AOC1: variants seen among roughly 807,000 people sequenced by gnomAD.
AOC1 encodes the protein diamine oxidase [copper-containing].
Under a neutral mutation model 57.1 loss-of-function variants are expected in AOC1, and 58 were observed. The observed-to-expected ratio is 1.02, with a 90% CI of 0.82 to 1.26. The LOEUF (loss-of-function observed/expected upper bound fraction) is 1.26. Ranked by LOEUF, AOC1 falls within the 50% of genes most tolerant of loss-of-function variation. The pLI is 0.00. For synonymous variants in AOC1, 401 were observed against 423.4 expected (o/e 0.95, Z 0.65); for missense variants, 917 against 1,005.3 (o/e 0.91, Z 1.19).
rs146490557 is a variant in AOC1, at chr7:150,861,390, G to GCA, written c.*192_*193dup. On this transcript the variant is annotated 3_prime_UTR_variant, in exon 5 of 5. Coordinates refer to ENST00000360937, the MANE Select transcript of AOC1 (RefSeq NM_001091.4). The surrounding 1 kb of genome is among the most constrained non-coding windows in gnomAD (Gnocchi z 4.5). ...CAGACGTGCACACACACACAGACATGCACACACACACAGACGTGCACACAC... is the reference window on the plus strand; with the variant it reads ...CAGACGTGCACACACACACAGACATGCACACACACACACAGACGTGCACACAC... 2.4e-4 allele frequency: 152 copies of GCA among 624,202 alleles called. No homozygotes were observed. The highest frequency in any genetic ancestry group is 3.1e-4 in the South Asian group (11 of 35,796). 38.7% of individuals were successfully genotyped at this position (624,202 alleles called of 1,614,324 possible). A position where few individuals can be genotyped will look rare whatever the true frequency, so the allele number is the denominator to read the frequency against.
Position 150,857,724 on chromosome 7 carries a change from C to A in AOC1, c.1254C>A (p.Leu418=), listed in dbSNP as rs1228631177. 6.2e-7 allele frequency: 1 copy of A among 1,614,192 alleles called. No homozygotes were observed. The highest frequency in any genetic ancestry group is 1.7e-5 in the Admixed American group (1 of 60,024). ...TCCATTATCCCCGAGCCCTCTGCCT[C>A]TTTGAAATGCCCACAGGGGTGCCCC... ...DPVHYPRALC[L]FEMPTGVPLR... Residue 418 remains leucine (L), a synonymous_variant, in exon 2 of 5, where the codon CTC becomes CTA. Transcript: ENST00000360937. This position sits in a 1 kb window ranked among gnomAD's most constrained non-coding sequence, Gnocchi z 6.6.
At position 150,861,185 on chromosome 7, in the gene AOC1, C is replaced by T; in HGVS notation, c.2232C>T (p.Tyr744=). The change falls in exon 5 of 5, where the codon TAC becomes TAT. Residue 744 remains tyrosine (Y), a synonymous_variant. Coordinates refer to ENST00000360937, the MANE Select transcript of AOC1 (RefSeq NM_001091.4). This position sits in a 1 kb window ranked among gnomAD's most constrained non-coding sequence, Gnocchi z 4.5. ...GCTCGATGCCTCCCCCTTTTAGCTA[C>T]AATGGGACCTATAGACCTGTGTGAC... is the stretch of plus-strand genomic sequence containing the variant. ...RDCSMPPPFS[Y]NGTYRPV is the part of the protein sequence containing the mutation. 9 of 1,604,086 alleles carry T rather than the reference C, an allele frequency of 5.6e-6. No individual in the cohort carries two copies. Among genetic ancestry groups the T allele is most frequent in the Non-Finnish European group, 7.7e-6 (9 of 1,173,000 alleles).
Position 150,856,932 on chromosome 7 carries a change from C to A in AOC1, c.462C>A (p.Thr154=). 1 of 1,614,138 alleles carries A rather than the reference C, an allele frequency of 6.2e-7. No individual in the cohort carries two copies. Among genetic ancestry groups the A allele is most frequent in the Non-Finnish European group, 8.5e-7 (1 of 1,179,990 alleles). ...STAEYALLYH[T]LQEATKPLHQ... is the part of the protein sequence containing the mutation. The stretch of plus-strand genomic sequence containing the variant: ...CAGAGTATGCCCTCCTCTACCACAC[C>A]CTGCAGGAAGCCACCAAGCCCCTGC... The change falls in exon 2 of 5, where the codon ACC becomes ACA. Residue 154 remains threonine (T), a synonymous_variant. Transcript: ENST00000360937. The surrounding 1 kb of genome is among the most constrained non-coding windows in gnomAD (Gnocchi z 5.2).
chr7:150,854,301 G>A (rs192620016), intron 1 of AOC1: 12 of 152,380 alleles, frequency 7.9e-5, no homozygotes, highest in African/African-American at 2.9e-4. Flanking sequence ...CAAGGGGAGA[G>A]CCCTCGGGGA....
chr7:150,858,886 C>A lies in AOC1; in HGVS notation c.1694C>A (p.Ala565Glu), dbSNP rs762255132. ...ACGCAGTACTCCTGGGAGCGCCAGGCGGCCTTCCGCTTCAAAAGGAAGCTG... is the reference window on the plus strand; with the variant it reads ...ACGCAGTACTCCTGGGAGCGCCAGGAGGCCTTCCGCTTCAAAAGGAAGCTG... ...EQTQYSWERQAAFRFKRKLPK... is the reference protein window; with the variant it reads ...EQTQYSWERQEAFRFKRKLPK... The change falls in exon 3 of 5, where the codon GCG becomes GAG. Residue 565 changes from alanine (A) to glutamate (E), a missense_variant. By Grantham distance (107) the Ala-to-Glu change is moderately radical. Coordinates refer to ENST00000360937, the MANE Select transcript of AOC1 (RefSeq NM_001091.4). The A allele has an allele frequency of 6.2e-7, 1 of 1,613,686 alleles. No homozygotes were observed. Among genetic ancestry groups the A allele is most frequent in the African/African-American group, 1.3e-5 (1 of 75,028 alleles).
Position 150,861,420 on chromosome 7 carries a change from A to C in AOC1, c.*211A>C. Reference sequence around the variant, plus strand: ...CACACACAGACGTGCACACACACAGACGTGCACGCACTCACACGGACATGC... The same window carrying C: ...CACACACAGACGTGCACACACACAGCCGTGCACGCACTCACACGGACATGC... On this transcript the variant is annotated 3_prime_UTR_variant, in exon 5 of 5. Coordinates refer to ENST00000360937, the MANE Select transcript of AOC1 (RefSeq NM_001091.4). The surrounding 1 kb of genome is among the most constrained non-coding windows in gnomAD (Gnocchi z 4.5). The C allele has an allele frequency of 1.9e-6, 1 of 532,882 alleles. No homozygotes were observed. Among genetic ancestry groups the C allele is most frequent in the Non-Finnish European group, 3.2e-6 (1 of 309,590 alleles). 33.0% of individuals were successfully genotyped at this position (532,882 alleles called of 1,614,324 possible). A position where few individuals can be genotyped will look rare whatever the true frequency, so the allele number is the denominator to read the frequency against.
intron 1 of AOC1, among the ~76,000 whole-genome samples, chr7:150,853,661 C>CTATATATATATATATATA (rs201712777): frequency 6.4e-5 from 4 of 62,794 alleles, no homozygotes; most frequent in African/African-American, 1.7e-4. Flanking sequence ...GAGATCCTGA[C>CTATATATATATATATATA]TATATATATA....
rs1434074741 is a variant in AOC1, at chr7:150,857,368, C to T, written c.898C>T (p.Pro300Ser). 8 of 1,607,990 alleles carry T rather than the reference C, an allele frequency of 5.0e-6. No homozygotes were observed. In the Admixed American group the frequency reaches 6.7e-5, roughly 13 times the overall value. Residue 300 changes from proline to serine, a missense_variant, in exon 2 of 5, where the codon CCC (proline) becomes TCC (serine). Transcript: ENST00000360937. This position sits in a 1 kb window ranked among gnomAD's most constrained non-coding sequence, Gnocchi z 6.6. Reference protein sequence around the residue: ...DFPSPIHVSGPRLVQPHGPRF... With the variant: ...DFPSPIHVSGSRLVQPHGPRF... ...CCCCAGCCCCATCCATGTGAGCGGC[C>T]CCCGCTTGGTCCAGCCCCACGGCCC... is the stretch of plus-strand genomic sequence containing the variant.
Position 150,857,724 on chromosome 7 carries a change from CTT to C in AOC1, c.1256_1257del (p.Phe419Ter). 1 of 1,614,192 alleles carries C rather than the reference CTT, an allele frequency of 6.2e-7. No individual in the cohort carries two copies. The highest frequency in any genetic ancestry group is 8.5e-7 in the Non-Finnish European group (1 of 1,179,996). ...TCCATTATCCCCGAGCCCTCTGCCT[CTT>C]TGAAATGCCCACAGGGGTGCCCCTT... ...PVHYPRALCL[F>X]EMPTGVPLRR... On this transcript the variant is annotated frameshift_variant, in exon 2 of 5. Coordinates refer to ENST00000360937, the MANE Select transcript of AOC1 (RefSeq NM_001091.4). LOFTEE classifies it high-confidence loss of function. This position sits in a 1 kb window ranked among gnomAD's most constrained non-coding sequence, Gnocchi z 6.6.
At position 150,859,064 on chromosome 7, in the gene AOC1, G is replaced by A. The variant is rs11981217; in HGVS notation, c.1856+16G>A. The A allele has an allele frequency of 0.11, 174,811 of 1,530,728 alleles. 11,096 individuals carry two copies. The highest frequency in any genetic ancestry group is 0.19 in the African/African-American group (13,557 of 72,632). 94.8% of individuals were successfully genotyped at this position (1,530,728 alleles called of 1,614,324 possible). On this transcript the variant is annotated intron_variant, in intron 3 of 4. Coordinates refer to ENST00000360937, the MANE Select transcript of AOC1 (RefSeq NM_001091.4). Reference sequence around the variant, plus strand: ...CCTGGGCAAGGTGAGGAAGACCCAGGGGGCCTGGGGGAGGGTCAGTGGCTT... The same window carrying A: ...CCTGGGCAAGGTGAGGAAGACCCAGAGGGCCTGGGGGAGGGTCAGTGGCTT...
At position 150,861,351 on chromosome 7, in the gene AOC1, GA is replaced by G. The variant is rs1799963971; in HGVS notation, c.*143del. 5 of 943,534 alleles carry G rather than the reference GA, an allele frequency of 5.3e-6. No homozygotes were observed. Among genetic ancestry groups the G allele is most frequent in the Non-Finnish European group, 7.4e-6 (5 of 672,278 alleles). 58.4% of individuals were successfully genotyped at this position (943,534 alleles called of 1,614,324 possible). A position where few individuals can be genotyped will look rare whatever the true frequency, so the allele number is the denominator to read the frequency against. On this transcript the variant is annotated 3_prime_UTR_variant, in exon 5 of 5. Coordinates refer to ENST00000360937, the MANE Select transcript of AOC1 (RefSeq NM_001091.4). This position sits in a 1 kb window ranked among gnomAD's most constrained non-coding sequence, Gnocchi z 4.5. ...CATGTGTGTAGGAAACACACGAACA[GA>G]CGTGCACACACACAGACGTGCACAC...
chr7:150,855,033 T>A (rs1260777417), intron 1 of AOC1, among the ~76,000 whole-genome samples: 1 of 77,486 alleles, frequency 1.3e-5, no homozygotes, highest in Non-Finnish European at 2.5e-5. Context: ...CAACTACCTA[T>A]GAAAATATGA....
chr7:150,861,255 C>T lies in AOC1; in HGVS notation c.*46C>T, dbSNP rs1289380691. ...CAGTTCCTCCCAGGAAGCCCAGGAG[C>T]CTCACTGGGGCAGACAATAAACCCT... On this transcript the variant is annotated 3_prime_UTR_variant, in exon 5 of 5. Transcript: ENST00000360937. This position sits in a 1 kb window ranked among gnomAD's most constrained non-coding sequence, Gnocchi z 4.5. 1 of 1,523,538 alleles carries T rather than the reference C, an allele frequency of 6.6e-7. No individual in the cohort carries two copies. The highest frequency in any genetic ancestry group is 8.8e-7 in the Non-Finnish European group (1 of 1,130,362). The allele number at this position is 1,523,538 out of a possible 1,614,324, so 94.4% of individuals were successfully genotyped here.
rs754298492 is a variant in AOC1 at position 150,857,950 on chromosome 7, G to A, written c.1480G>A (p.Gly494Arg). The change falls in exon 2 of 5, where the codon GGG becomes AGG. Residue 494 changes from glycine to arginine, a missense_variant. Gly to Arg is a moderately radical substitution (Grantham distance 125). Transcript: ENST00000360937. The surrounding 1 kb of genome is among the most constrained non-coding windows in gnomAD (Gnocchi z 6.6). ...YVHATFYTPE[G>R]LRHGTRLHTH... ...CCACGCCACCTTCTACACCCCCGAG[G>A]GGCTGCGCCACGGCACTCGCCTGCA... is the stretch of plus-strand genomic sequence containing the variant. The A allele has an allele frequency of 1.2e-6, 2 of 1,607,644 alleles. No individual in the cohort carries two copies. Among genetic ancestry groups the A allele is most frequent in the Admixed American group, 1.7e-5 (1 of 59,798 alleles).
At chr7:150,859,560 G>C (rs1242889550) in intron 3 of AOC1, among the ~76,000 whole-genome samples, 4 of 151,886 alleles carry the variant, frequency 2.6e-5, no homozygotes, top group Non-Finnish European at 5.9e-5. Context: ...AAAATTAGCT[G>C]GGCATGGTGG....
chr7:150,855,515 C>G (rs1162000162), intron 1 of AOC1, among the ~76,000 whole-genome samples: 1 of 152,106 alleles, frequency 6.6e-6, no homozygotes, highest in African/African-American at 2.4e-5. Context: ...CCCTGACCCA[C>G]CCTCCCTGAG....
rs1485925902 is a variant in AOC1 at position 150,860,965 on chromosome 7, T to G, written c.2012T>G (p.Val671Gly). 1.2e-6 allele frequency: 2 copies of G among 1,613,268 alleles called. No homozygotes were observed. Among genetic ancestry groups the G allele is most frequent in the Non-Finnish European group, 1.7e-6 (2 of 1,179,800 alleles). The change falls in exon 5 of 5, where the codon GTG becomes GGG. Residue 671 changes from valine (V) to glycine (G), a missense_variant. Physicochemically the swap from Val to Gly is moderately radical, Grantham distance 109. Coordinates refer to ENST00000360937, the MANE Select transcript of AOC1 (RefSeq NM_001091.4). ...ENEDLVAWVT[V>G]GFLHIPHSED... is the part of the protein sequence containing the mutation. ...CAGGACCTGGTGGCCTGGGTGACGG[T>G]GGGCTTCCTGCACATCCCCCACTCA...
intron 1 of AOC1, among the ~76,000 whole-genome samples, chr7:150,854,532 G>C (rs1292604408): frequency 1.3e-5 from 2 of 152,164 alleles, no homozygotes; most frequent in African/African-American, 4.8e-5. Context: ...CGGCAGTGCG[G>C]GGTTTCAGCT....
At chr7:150,855,275 T>C (rs1431181678) in intron 1 of AOC1, among the ~76,000 whole-genome samples, 2 of 151,998 alleles carry the variant, frequency 1.3e-5, no homozygotes, top group African/African-American at 4.8e-5. Flanking sequence ...GAGGCCCACA[T>C]CACCTAGGAG....
Sources: gnomAD v4.1 joint callset for allele counts (sites outside exome capture counted in the v4.1 genomes callset) on GRCh38, gnomAD v4.1.1 for gene constraint, Gnocchi (gnomAD v3.1) non-coding constraint, MANE v1.5 for transcripts, NCBI Gene and HGNC (gene_info 2026-07-23, HGNC 2026-07-21) for gene names.